The following LRMDA variants were observed in gnomAD, a reference collection of about 807,000 sequenced individuals.
LRMDA encodes the protein leucine-rich melanocyte differentiation-associated protein.
Under a neutral mutation model 29.8 loss-of-function variants are expected in LRMDA, and 18 were observed. The ratio of observed to expected loss-of-function variants is 0.60; its 90% CI spans 0.42 to 0.90. The LOEUF (loss-of-function observed/expected upper bound fraction) is 0.90. Ranked by LOEUF, LRMDA falls within the 40% of genes least tolerant of loss-of-function variation. LRMDA has a pLI of 0.00. For missense variants in LRMDA, 273 were observed against 273.9 expected (o/e 1.00, Z 0.02); for synonymous variants, 125 against 109.4 (o/e 1.14, Z -0.89).
intron 5 of LRMDA, among the ~76,000 whole-genome samples, chr10:76,304,958 T>C (rs1450601277): frequency 6.6e-6 from 1 of 152,096 alleles, no homozygotes; most frequent in Admixed American, 6.5e-5. Context: ...TTCTAGGAAA[T>C]GGATGGTGCT....
At chr10:76,032,097 G>A (rs1410667777) in intron 2 of LRMDA, among the ~76,000 whole-genome samples, 1 of 152,208 alleles carries the variant, frequency 6.6e-6, no homozygotes, top group Non-Finnish European at 1.5e-5. Flanking sequence ...AGGGAGGAAT[G>A]GCTACAAATT....
At chr10:76,122,276 C>A (rs1261519454) in intron 5 of LRMDA, among the ~76,000 whole-genome samples, 1 of 151,914 alleles carries the variant, frequency 6.6e-6, no homozygotes, top group East Asian at 1.9e-4. Context: ...GATGCTCAGA[C>A]ATCTGCTGCG....
chr10:76,333,664 G>A (rs537771727), intron 6 of LRMDA, among the ~76,000 whole-genome samples: 24 of 152,204 alleles, frequency 1.6e-4, no homozygotes, highest in Admixed American at 1.1e-3. Flanking sequence ...TTTTTCCTCC[G>A]CATGTTATTC....
At chr10:76,254,545 T>C (rs1229087182) in intron 5 of LRMDA, among the ~76,000 whole-genome samples, 1 of 152,004 alleles carries the variant, frequency 6.6e-6, no homozygotes, top group Non-Finnish European at 1.5e-5. Flanking sequence ...CTCCTAGGGG[T>C]CTCATATCTT....
chr10:76,163,350 T>G (rs188411690), intron 5 of LRMDA, among the ~76,000 whole-genome samples: 2 of 152,332 alleles, frequency 1.3e-5, no homozygotes, highest in East Asian at 3.9e-4. Flanking sequence ...GGTTTCTGAC[T>G]ATGCAGGATG....
chr10:75,943,983 A>G (rs1315349737), intron 2 of LRMDA, among the ~76,000 whole-genome samples: 1 of 152,176 alleles, frequency 6.6e-6, no homozygotes, highest in Admixed American at 6.5e-5. Context: ...TTTACATGTT[A>G]CCCCATATTT....
chr10:75,474,819 A>G (rs80216295), intron 2 of LRMDA, among the ~76,000 whole-genome samples: 1,636 of 152,222 alleles, frequency 0.011, 34 homozygotes, highest in African/African-American at 0.038. Context: ...TACTTGATGA[A>G]TTTGAGAAAT....
At chr10:75,708,095 A>G (rs755366213) in intron 2 of LRMDA, among the ~76,000 whole-genome samples, 14 of 152,242 alleles carry the variant, frequency 9.2e-5, no homozygotes, top group South Asian at 2.1e-4. Context: ...TTCAGGCTCA[A>G]TCCTTGAGCA....
intron 6 of LRMDA, among the ~76,000 whole-genome samples, chr10:76,381,021 CTTTTTTTTTT>C (rs538112084): frequency 0.099 from 9,636 of 96,958 alleles, 628 homozygotes; most frequent in African/African-American, 0.23. Flanking sequence ...TTTATCTTTG[CTTTTTTTTTT>C]TTTTTTTTGG....
chr10:75,917,942 C>A (rs1845961486), intron 2 of LRMDA, among the ~76,000 whole-genome samples: 1 of 144,898 alleles, frequency 6.9e-6, no homozygotes, highest in East Asian at 2.2e-4. Flanking sequence ...CACATGCACA[C>A]CCACACATGC....
chr10:75,875,385 G>A (rs559277104), intron 2 of LRMDA, among the ~76,000 whole-genome samples: 52 of 152,244 alleles, frequency 3.4e-4, no homozygotes, highest in Middle Eastern at 3.4e-3. Flanking sequence ...TCTTCCTTAT[G>A]GGGAAAGATG....
At chr10:76,460,814 GA>G (rs1842504487) in intron 6 of LRMDA, among the ~76,000 whole-genome samples, 1 of 152,142 alleles carries the variant, frequency 6.6e-6, no homozygotes, top group African/African-American at 2.4e-5. Context: ...ATGCATTGCA[GA>G]GCTACTTTCT....
At chr10:76,170,484 C>T (rs969868805) in intron 5 of LRMDA, among the ~76,000 whole-genome samples, 2 of 152,198 alleles carry the variant, frequency 1.3e-5, no homozygotes, top group Non-Finnish European at 2.9e-5. Flanking sequence ...GTTCCTGCTT[C>T]AACCACTAAC....
At chr10:76,476,210 A>C (rs1332860980) in intron 6 of LRMDA, among the ~76,000 whole-genome samples, 1 of 152,160 alleles carries the variant, frequency 6.6e-6, no homozygotes, top group Non-Finnish European at 1.5e-5. Context: ...AAAAATGACA[A>C]AGGGGATATC....
At chr10:75,811,884 T>G (rs1383979032) in intron 2 of LRMDA, among the ~76,000 whole-genome samples, 1 of 152,204 alleles carries the variant, frequency 6.6e-6, no homozygotes, top group African/African-American at 2.4e-5. Flanking sequence ...CTCATCATGC[T>G]TGTGGACAGT....
chr10:75,563,093 G>C (rs1359536661), intron 2 of LRMDA, among the ~76,000 whole-genome samples: 1 of 152,120 alleles, frequency 6.6e-6, no homozygotes, highest in African/African-American at 2.4e-5. Flanking sequence ...CTAGATTGGG[G>C]AAGTTCTCCT....
chr10:76,400,313 T>C (rs1841835142), intron 6 of LRMDA, among the ~76,000 whole-genome samples: 1 of 152,172 alleles, frequency 6.6e-6, no homozygotes, highest in African/African-American at 2.4e-5. Flanking sequence ...CCCTGGTCTG[T>C]ACCTTGATAA....
intron 2 of LRMDA, among the ~76,000 whole-genome samples, chr10:75,486,995 A>G (rs1270849961): frequency 6.6e-6 from 1 of 152,176 alleles, no homozygotes; most frequent in Non-Finnish European, 1.5e-5. Flanking sequence ...AATCAGGGAG[A>G]CGAAGGGATT....
chr10:75,813,108 C>T (rs1019746581), intron 2 of LRMDA, among the ~76,000 whole-genome samples: 43 of 152,088 alleles, frequency 2.8e-4, no homozygotes, highest in African/African-American at 9.7e-4. Context: ...GGATCACTCA[C>T]GGGCAATGTG....
Sources: gnomAD v4.1 joint callset for allele counts (sites outside exome capture counted in the v4.1 genomes callset) on GRCh38, gnomAD v4.1.1 for gene constraint, MANE v1.5 for transcripts, NCBI Gene and HGNC (gene_info 2026-07-23, HGNC 2026-07-21) for gene names.